The following NRXN1 variants were observed in gnomAD, a reference collection of about 807,000 sequenced individuals.
The protein encoded by NRXN1 is neurexin-1.
A neutral mutation model predicts 150.9 loss-of-function variants in NRXN1; 39 were observed. The ratio of observed to expected loss-of-function variants is 0.26; its 90% CI spans 0.20 to 0.34. The LOEUF (loss-of-function observed/expected upper bound fraction) is 0.34, where lower values mean the gene tolerates loss of function less well. Ranked by LOEUF, NRXN1 falls within the 10% of genes least tolerant of loss-of-function variation. The pLI, the probability that NRXN1 is intolerant of heterozygous loss-of-function variation, is 1.00. For missense variants in NRXN1, 1,815 were observed against 1,949.9 expected (o/e 0.93, Z 1.30); for synonymous variants, 924 against 757.0 (o/e 1.22, Z -3.62).
intron 5 of NRXN1, chr2:50,696,127 G>GC (rs767779184): frequency 1.3e-5 from 2 of 152,112 alleles, no homozygotes; most frequent in Non-Finnish European, 1.5e-5. Flanking sequence ...ACAGGCAAGA[G>GC]CCACCACACC....
At chr2:50,108,555 T>C (rs1245043240) in intron 18 of NRXN1, among the ~76,000 whole-genome samples, 2 of 152,020 alleles carry the variant, frequency 1.3e-5, no homozygotes, top group Non-Finnish European at 2.9e-5. Flanking sequence ...AATTGAGAAA[T>C]CTATTAACAT....
rs144647674 is a variant in NRXN1 at position 49,968,224 on chromosome 2, G to A, written c.4129-24433C>T. ...TATTGCTACAGCAATTTATAAGAACGCTCAATTATACCCTAAGGGTCTGAG... is the reference window on the plus strand; with the variant it reads ...TATTGCTACAGCAATTTATAAGAACACTCAATTATACCCTAAGGGTCTGAG... On this transcript the variant is annotated intron_variant, in intron 21 of 22. Transcript: ENST00000401669. 5.1e-3 allele frequency among the ~76,000 whole-genome samples: 773 copies of A among 151,928 alleles called. 3 individuals are homozygous for A. Among genetic ancestry groups the A allele is most frequent in the African/African-American group, 0.018 (738 of 41,436 alleles).
chr2:50,125,327 T>C (rs758209748), intron 18 of NRXN1, among the ~76,000 whole-genome samples: 2 of 152,162 alleles, frequency 1.3e-5, no homozygotes, highest in African/African-American at 2.4e-5. Context: ...TCTTTGTCGT[T>C]GTTGCTGTTG....
At chr2:50,405,355 C>T (rs551584493) in intron 17 of NRXN1, among the ~76,000 whole-genome samples, 10 of 151,982 alleles carry the variant, frequency 6.6e-5, no homozygotes, top group Non-Finnish European at 1.5e-4. Context: ...AATGCTATTG[C>T]AAACAATGGT....
intron 21 of NRXN1, chr2:49,974,216 C>A: frequency 1.4e-6 from 1 of 692,998 alleles, no homozygotes; most frequent in Non-Finnish European, 2.7e-6. Flanking sequence ...CTCTGTCAGT[C>A]ACGTGTCACT....
intron 17 of NRXN1, among the ~76,000 whole-genome samples, chr2:50,343,755 G>T (rs2077724485): frequency 1.3e-5 from 2 of 152,196 alleles, no homozygotes; most frequent in Non-Finnish European, 2.9e-5. Context: ...CAGCCCAGCA[G>T]CTTTCAAAAC....
At chr2:50,925,736 G>C (rs1686765605) in intron 3 of NRXN1, among the ~76,000 whole-genome samples, 1 of 151,888 alleles carries the variant, frequency 6.6e-6, no homozygotes, top group Admixed American at 6.6e-5. Flanking sequence ...AAGGGTTGGA[G>C]TTAAGCTTGA....
intron 5 of NRXN1, among the ~76,000 whole-genome samples, chr2:50,679,937 A>G (rs555823072): frequency 6.6e-6 from 1 of 152,126 alleles, no homozygotes; most frequent in Admixed American, 6.5e-5. Flanking sequence ...GTTCCAGACC[A>G]GCCTGGGAAA....
chr2:50,646,982 G>C (rs762900947), intron 5 of NRXN1, among the ~76,000 whole-genome samples: 6 of 151,570 alleles, frequency 4.0e-5, no homozygotes, highest in Non-Finnish European at 7.4e-5. Context: ...AGATGTAAAA[G>C]ATCCACTCAA....
At position 50,829,167 on chromosome 2, in the gene NRXN1, G is replaced by A. The variant is rs1202556162; in HGVS notation, c.832+92702C>T. ...TCAGGCAGGGAGGTTGCAGTGAGCC[G>A]AGATGGCAGCAGTACAGTCCAGCTT... is the stretch of plus-strand genomic sequence containing the variant. On this transcript the variant is annotated intron_variant, in intron 5 of 22. Transcript: ENST00000401669. Among the ~76,000 whole-genome samples the A allele has an allele frequency of 5.9e-5, 9 of 152,218 alleles. 1 individual carries two copies. The East Asian group carries it at 1.4e-3, about 23-fold the overall frequency.
chr2:50,690,763 T>A (rs1429397963), intron 5 of NRXN1, among the ~76,000 whole-genome samples: 1 of 152,182 alleles, frequency 6.6e-6, no homozygotes, highest in African/African-American at 2.4e-5. Context: ...TTGGTATAAA[T>A]GACACAAGCC....
chr2:50,144,678 T>C (rs1707756409), intron 18 of NRXN1, among the ~76,000 whole-genome samples: 2 of 151,790 alleles, frequency 1.3e-5, no homozygotes, highest in East Asian at 1.9e-4. Context: ...AAATCAATCA[T>C]TAAACAGGGC....
At chr2:50,731,335 T>C (rs1382527162) in intron 5 of NRXN1, among the ~76,000 whole-genome samples, 1 of 152,200 alleles carries the variant, frequency 6.6e-6, no homozygotes, top group Non-Finnish European at 1.5e-5. Flanking sequence ...AGTTTGCAAG[T>C]CAAAAATAAG....
chr2:50,960,020 A>T (rs1692894129), intron 2 of NRXN1, among the ~76,000 whole-genome samples: 1 of 152,032 alleles, frequency 6.6e-6, no homozygotes, highest in Non-Finnish European at 1.5e-5. Context: ...TGTTGAAATC[A>T]TTAAAACAAA....
intron 5 of NRXN1, among the ~76,000 whole-genome samples, chr2:50,758,589 C>A (rs757315293): frequency 6.6e-6 from 1 of 151,828 alleles, no homozygotes; most frequent in African/African-American, 2.4e-5. Flanking sequence ...ACTAAAAGTG[C>A]CCACCACCAT....
intron 15 of NRXN1, among the ~76,000 whole-genome samples, chr2:50,476,194 A>G (rs1244505902): frequency 6.6e-6 from 1 of 152,134 alleles, no homozygotes; most frequent in Non-Finnish European, 1.5e-5. Context: ...TCTTAAAATA[A>G]TCTCAATAAT....
chr2:50,355,692 T>C (rs2078752921), intron 17 of NRXN1, among the ~76,000 whole-genome samples: 1 of 152,208 alleles, frequency 6.6e-6, no homozygotes, highest in African/African-American at 2.4e-5. Context: ...TTGGAAAAAT[T>C]TCTGAACTCT....
intron 5 of NRXN1, among the ~76,000 whole-genome samples, chr2:50,718,322 C>A (rs1045364342): frequency 2.0e-5 from 3 of 152,024 alleles, no homozygotes; most frequent in African/African-American, 7.2e-5. Context: ...GCCACATTAC[C>A]GTTAAAGAAA....
rs1553458099 is a variant in NRXN1 at position 50,334,209 on chromosome 2, A to ATG, written c.3365-97240_3365-97239insCA. ...CAGGACCAAATATATATATATATAT[A>ATG]TATGTATGTAGATATTGTTTAACGG... On this transcript the variant is annotated intron_variant, in intron 17 of 22. Transcript: ENST00000401669. 4.6e-4 allele frequency among the ~76,000 whole-genome samples: 56 copies of ATG among 121,480 alleles called. 9 individuals carry two copies. Among genetic ancestry groups the ATG allele is most frequent in the African/African-American group, 2.1e-3 (48 of 22,888 alleles). The allele number at this position is 121,480 out of a possible 152,430, so 79.7% of individuals were successfully genotyped here.
Sources: gnomAD v4.1 joint callset for allele counts (sites outside exome capture counted in the v4.1 genomes callset) on GRCh38, gnomAD v4.1.1 for gene constraint, MANE v1.5 for transcripts, NCBI Gene and HGNC (gene_info 2026-07-23, HGNC 2026-07-21) for gene names.